CEP112: variants seen among roughly 807,000 people sequenced by gnomAD.
CEP112 encodes centrosomal protein of 112 kDa.
Under a neutral mutation model 153.0 loss-of-function variants are expected in CEP112, and 127 were observed. The ratio of observed to expected loss-of-function variants is 0.83; its 90% CI spans 0.72 to 0.96. The LOEUF (loss-of-function observed/expected upper bound fraction) is 0.96, where lower values mean the gene tolerates loss of function less well. CEP112 is among the 40% of genes least tolerant of loss of function. The pLI, the probability that CEP112 is intolerant of heterozygous loss-of-function variation, is 0.00. For missense variants in CEP112, 1,089 were observed against 1,101.2 expected, an observed-to-expected ratio of 0.99 and a Z score of 0.16; for synonymous variants, 358 against 374.4, an observed-to-expected ratio of 0.96 and a Z score of 0.51.
chr17:65,861,278 A>G (rs2058302710), intron 20 of CEP112, among the ~76,000 whole-genome samples: 2 of 152,206 alleles, frequency 1.3e-5, no homozygotes, highest in Admixed American at 1.3e-4. Flanking sequence ...TTCTTTTTAA[A>G]TCAGTTCTTA....
intron 16 of CEP112, among the ~76,000 whole-genome samples, chr17:66,026,395 C>T (rs1598150871): frequency 6.6e-6 from 1 of 152,102 alleles, no homozygotes; most frequent in South Asian, 2.1e-4. Flanking sequence ...TGAAATAGTA[C>T]TATAAACAAC....
rs1567821669 is a variant in CEP112, at chr17:65,658,734, G to T, written c.2698-17669C>A. Among the ~76,000 whole-genome samples the T allele has an allele frequency of 2.6e-5, 4 of 152,168 alleles. No homozygotes were observed. In the South Asian group the frequency reaches 6.2e-4, roughly 24 times the overall value. ...CTCTGAAGGGGAAAGGGGAGAACAGGAATGTCCCAGGAGCCAAGGCTCATC... is the reference window on the plus strand; with the variant it reads ...CTCTGAAGGGGAAAGGGGAGAACAGTAATGTCCCAGGAGCCAAGGCTCATC... On this transcript the variant is annotated intron_variant, in intron 24 of 26. Transcript: ENST00000535342.
chr17:66,081,002 G>T (rs2067695200), intron 8 of CEP112, among the ~76,000 whole-genome samples: 1 of 151,948 alleles, frequency 6.6e-6, no homozygotes, highest in South Asian at 2.1e-4. Context: ...TCACACACTG[G>T]GGACTGTCAG....
chr17:66,014,806 A>G (rs567236669), intron 16 of CEP112, among the ~76,000 whole-genome samples: 87 of 152,276 alleles, frequency 5.7e-4, no homozygotes, highest in African/African-American at 1.8e-3. Flanking sequence ...GTCCACTCTC[A>G]GTAACTTTCC....
chr17:65,840,040 A>G (rs1353719004), intron 21 of CEP112, among the ~76,000 whole-genome samples: 1 of 152,174 alleles, frequency 6.6e-6, no homozygotes, highest in African/African-American at 2.4e-5. Flanking sequence ...AAGATACTCC[A>G]TGCTCATGGA....
intron 24 of CEP112, among the ~76,000 whole-genome samples, chr17:65,641,582 A>C (rs757303990): frequency 2.6e-5 from 4 of 151,976 alleles, no homozygotes; most frequent in Non-Finnish European, 4.4e-5. Flanking sequence ...GGGCATCTCT[A>C]AAAATATATA....
At chr17:65,668,682 G>C (rs2046820250) in intron 24 of CEP112, among the ~76,000 whole-genome samples, 1 of 152,174 alleles carries the variant, frequency 6.6e-6, no homozygotes, top group Non-Finnish European at 1.5e-5. Context: ...TCCTGGGATG[G>C]AACAAGAAGT....
chr17:66,184,154 T>G (rs747932508), intron 1 of CEP112, among the ~76,000 whole-genome samples: 3 of 151,986 alleles, frequency 2.0e-5, no homozygotes, highest in Non-Finnish European at 4.4e-5. Context: ...CTACTTGGGA[T>G]GCTGAGGTGG....
chr17:65,688,229 T>C (rs2047914691), intron 24 of CEP112: 1 of 152,164 alleles, frequency 6.6e-6, no homozygotes, highest in Admixed American at 6.5e-5. Context: ...CAAAAGAAAA[T>C]GTGATTTATG....
chr17:65,715,798 G>A (rs1229603517), intron 23 of CEP112, among the ~76,000 whole-genome samples: 1 of 151,808 alleles, frequency 6.6e-6, no homozygotes, highest in Non-Finnish European at 1.5e-5. Flanking sequence ...AGGGAGAAGA[G>A]GATTTCCAGG....
chr17:66,093,064 T>A (rs910540289), intron 8 of CEP112, among the ~76,000 whole-genome samples: 3 of 152,176 alleles, frequency 2.0e-5, no homozygotes, highest in Admixed American at 2.0e-4. Flanking sequence ...GCACAGTGGC[T>A]CATGCCTGTA....
At chr17:66,070,116 C>T in intron 8 of CEP112, 115 bp from the exon 9 acceptor site, 2 of 619,938 alleles carry the variant, frequency 3.2e-6, no homozygotes, top group East Asian at 2.8e-5. Context: ...TCCACCTTTA[C>T]CTTGTAGTCA....
chr17:65,858,694 C>T (rs1457478143), intron 20 of CEP112, among the ~76,000 whole-genome samples: 4 of 152,160 alleles, frequency 2.6e-5, no homozygotes, highest in African/African-American at 9.7e-5. Flanking sequence ...ACTTCATTAA[C>T]AATTAACCGT....
chr17:66,104,017 G>A (rs2068675600), intron 6 of CEP112, among the ~76,000 whole-genome samples: 1 of 152,186 alleles, frequency 6.6e-6, no homozygotes, highest in Non-Finnish European at 1.5e-5. Context: ...ATGGGCTAAA[G>A]TGCACTGGAG....
At chr17:65,846,582 GT>G (rs1568107863) in intron 21 of CEP112, among the ~76,000 whole-genome samples, 1 of 152,024 alleles carries the variant, frequency 6.6e-6, no homozygotes, top group African/African-American at 2.4e-5. Flanking sequence ...GTTTTGTTTT[GT>G]TTTGAGACGG....
chr17:66,131,689 C>T (rs998543232), intron 5 of CEP112, among the ~76,000 whole-genome samples: 1 of 151,866 alleles, frequency 6.6e-6, no homozygotes, highest in Non-Finnish European at 1.5e-5. Flanking sequence ...TGCAGTGAGC[C>T]GAGATCATGC....
intron 8 of CEP112, among the ~76,000 whole-genome samples, chr17:66,076,072 A>T (rs528081535): frequency 6.6e-6 from 1 of 152,210 alleles, no homozygotes; most frequent in Non-Finnish European, 1.5e-5. Flanking sequence ...TGGGTCCCCA[A>T]GCAGGCCATT....
intron 8 of CEP112, among the ~76,000 whole-genome samples, chr17:66,078,938 G>A (rs2067610509): frequency 6.6e-6 from 1 of 152,100 alleles, no homozygotes; most frequent in Non-Finnish European, 1.5e-5. Flanking sequence ...GTTTGAGGAG[G>A]CTGAAGATAG....
At chr17:65,877,093 C>T (rs1413568714) in intron 20 of CEP112, among the ~76,000 whole-genome samples, 10 of 152,140 alleles carry the variant, frequency 6.6e-5, no homozygotes, top group East Asian at 5.8e-4. Context: ...TGGCTAGAGT[C>T]GGCTTGGTAA....
Sources: allele counts gnomAD v4.1 joint callset (sites outside exome capture counted in the v4.1 genomes callset), GRCh38; gene constraint gnomAD v4.1.1; transcripts MANE v1.5; gene names NCBI Gene and HGNC (gene_info 2026-07-23, HGNC 2026-07-21).